TGIF2: variants seen among roughly 807,000 people sequenced by gnomAD.
TGIF2 encodes the protein TGFB induced factor homeobox 2.
In TGIF2, 5 loss-of-function variants were observed where a neutral mutation model predicts 15.1. That is an observed-to-expected ratio of 0.33 (90% CI 0.17 to 0.70). The LOEUF (loss-of-function observed/expected upper bound fraction) is 0.70, where lower values mean the gene tolerates loss of function less well. TGIF2 is among the 30% of genes least tolerant of loss of function. The pLI, the probability that TGIF2 is intolerant of heterozygous loss-of-function variation, is 0.67. For synonymous variants in TGIF2, 131 were observed against 128.9 expected (o/e 1.02, Z -0.11); for missense variants, 264 against 302.5 (o/e 0.87, Z 0.94).
chr20:36,575,714 C>T (rs997873082), intron 1 of TGIF2, among the ~76,000 whole-genome samples: 18 of 152,098 alleles, frequency 1.2e-4, no homozygotes, highest in African/African-American at 3.4e-4. Context: ...GTCTGTTGGC[C>T]GGCCTGCTGG....
At chr20:36,582,567 A>G (rs563299491) in intron 2 of TGIF2, among the ~76,000 whole-genome samples, 1 of 152,304 alleles carries the variant, frequency 6.6e-6, no homozygotes, top group South Asian at 2.1e-4. Context: ...CGATGCTCCT[A>G]CTGGTGATGA....
At chr20:36,574,483 C>T (rs2038375523) in intron 1 of TGIF2, 2 of 151,424 alleles carry the variant, frequency 1.3e-5, no homozygotes, top group Admixed American at 6.6e-5. Flanking sequence ...AGCCCCCTCC[C>T]CTCCCTTCCC....
At position 36,578,871 on chromosome 20, in the gene TGIF2, C is replaced by A; in HGVS notation, c.97C>A (p.Leu33Ile). The A allele has an allele frequency of 6.2e-7, 1 of 1,614,148 alleles. No homozygotes were observed. The highest frequency in any genetic ancestry group is 2.2e-5 in the East Asian group (1 of 44,876). ...GNLPKESVKI[L>I]RDWLYLHRYN... Reference sequence around the variant, plus strand: ...CCTGCCCAAGGAGTCGGTGAAGATCCTCCGGGACTGGCTGTACTTGCACCG... The same window carrying A: ...CCTGCCCAAGGAGTCGGTGAAGATCATCCGGGACTGGCTGTACTTGCACCG... The change falls in exon 2 of 3, where the codon CTC becomes ATC. Residue 33 changes from leucine (L) to isoleucine (I), a missense_variant. Transcript: ENST00000373872.
Position 36,578,972 on chromosome 20 carries a change from G to A in TGIF2, c.192+6G>A. On this transcript the variant is annotated splice_donor_region_variant and intron_variant, in intron 2 of 2. Coordinates refer to ENST00000373872, the MANE Select transcript of TGIF2 (RefSeq NM_021809.7). ...CCAACCTGTCAGTGCTGCAAGTAAGGAGGGGATCTGGATAAGGGGGTGGCA... is the reference window on the plus strand; with the variant it reads ...CCAACCTGTCAGTGCTGCAAGTAAGAAGGGGATCTGGATAAGGGGGTGGCA... 6.2e-7 allele frequency: 1 copy of A among 1,613,180 alleles called. No individual in the cohort carries two copies. Among genetic ancestry groups the A allele is most frequent in the Non-Finnish European group, 8.5e-7 (1 of 1,179,484 alleles).
chr20:36,583,403 AGC>A (rs1413540941), intron 2 of TGIF2, among the ~76,000 whole-genome samples: 4 of 149,650 alleles, frequency 2.7e-5, no homozygotes, highest in Non-Finnish European at 5.9e-5. Context: ...GGCTACAGTG[AGC>A]TATGATCATG....
intron 2 of TGIF2, among the ~76,000 whole-genome samples, chr20:36,589,419 G>A (rs2038723571): frequency 6.6e-6 from 1 of 150,706 alleles, no homozygotes; most frequent in Non-Finnish European, 1.5e-5. Context: ...TTAAGACGGA[G>A]TCTCACTCTG....
chr20:36,591,395 C>T lies in TGIF2; in HGVS notation c.678C>T (p.His226=), dbSNP rs2038767555. 3.7e-6 allele frequency: 6 copies of T among 1,612,858 alleles called. No individual in the cohort carries two copies. Among genetic ancestry groups the T allele is most frequent in the Non-Finnish European group, 5.1e-6 (6 of 1,179,108 alleles). ...AGGACCCATCACTCCCATTACTGCA[C>T]ACTCCCATCCCTTTAGTCTCTGAAA... ...KQQDPSLPLL[H]TPIPLVSENP... Residue 226 remains histidine (H), a synonymous_variant, in exon 3 of 3, where the codon CAC becomes CAT. Transcript: ENST00000373872. This position sits in a 1 kb window ranked among gnomAD's most constrained non-coding sequence, Gnocchi z 5.3.
chr20:36,577,808 C>G (rs2038463412), intron 1 of TGIF2, among the ~76,000 whole-genome samples: 1 of 152,046 alleles, frequency 6.6e-6, no homozygotes, highest in Non-Finnish European at 1.5e-5. Flanking sequence ...GCCACTGTGC[C>G]CGGCCTTTGT....
chr20:36,588,882 G>C (rs1012321475), intron 2 of TGIF2, among the ~76,000 whole-genome samples: 4 of 152,188 alleles, frequency 2.6e-5, no homozygotes, highest in Non-Finnish European at 4.4e-5. Flanking sequence ...CCACTTAATG[G>C]TTTTCCATGG....
At chr20:36,580,194 T>G (rs1216369589) in intron 2 of TGIF2, among the ~76,000 whole-genome samples, 1 of 152,174 alleles carries the variant, frequency 6.6e-6, no homozygotes, top group Non-Finnish European at 1.5e-5. Flanking sequence ...TGTCTCTCCC[T>G]CCTTCCCTTA....
chr20:36,580,423 T>G (rs2038519617), intron 2 of TGIF2, among the ~76,000 whole-genome samples: 2 of 152,160 alleles, frequency 1.3e-5, no homozygotes, highest in South Asian at 4.1e-4. Context: ...GGTCACTGCC[T>G]TCTCTGTGAG....
rs1047347633 is a variant in TGIF2 at position 36,590,980 on chromosome 20, C to A, written c.263C>A (p.Pro88His). ...ATGCTTCGGAAGGATGGCAAAGACC[C>A]TAATCAGTTTACCATTTCCCGCCGC... The part of the protein sequence containing the change: ...PDMLRKDGKD[P>H]NQFTISRRGG... The change falls in exon 3 of 3, where the codon CCT (proline) becomes CAT (histidine). Residue 88 changes from proline to histidine, a missense_variant. By Grantham distance (77) the Pro-to-His change is moderately conservative (BLOSUM62 -2). Coordinates refer to ENST00000373872, the MANE Select transcript of TGIF2 (RefSeq NM_021809.7). 1.3e-6 allele frequency: 2 copies of A among 1,571,206 alleles called. No individual in the cohort carries two copies. The highest frequency in any genetic ancestry group is 1.7e-6 in the Non-Finnish European group (2 of 1,155,810).
chr20:36,587,821 T>G (rs2038690185), intron 2 of TGIF2, among the ~76,000 whole-genome samples: 1 of 152,062 alleles, frequency 6.6e-6, no homozygotes, highest in African/African-American at 2.4e-5. Context: ...TCCCAACACT[T>G]TGGGAGGCTG....
At chr20:36,580,749 G>A (rs1487285618) in intron 2 of TGIF2, among the ~76,000 whole-genome samples, 9 of 147,118 alleles carry the variant, frequency 6.1e-5, no homozygotes, top group Non-Finnish European at 1.2e-4. Flanking sequence ...TGGAGGTGGA[G>A]GCTGCAGTGA....
At chr20:36,590,787 G>T in intron 2 of TGIF2, 123 bp from the exon 3 acceptor site, 1 of 1,092,422 alleles carries the variant, frequency 9.2e-7, no homozygotes. Context: ...TTGAACTCCT[G>T]GGCTTAAGCA....
intron 2 of TGIF2, among the ~76,000 whole-genome samples, chr20:36,588,356 T>C (rs2340270): frequency 1.3e-4 from 2 of 14,930 alleles, no homozygotes; most frequent in East Asian, 1.1e-3. Flanking sequence ...CCCTTCCTTC[T>C]TTTTTTTTTT....
At chr20:36,578,697 G>T (rs1354274513) in intron 1 of TGIF2, 44 bp from the exon 2 acceptor site, 1 of 1,509,184 alleles carries the variant, frequency 6.6e-7, no homozygotes, top group East Asian at 2.3e-5. Flanking sequence ...GGAAAAGGCG[G>T]TACGTGCTAA....
chr20:36,583,130 A>G (rs1433523955), intron 2 of TGIF2, among the ~76,000 whole-genome samples: 7 of 151,590 alleles, frequency 4.6e-5, no homozygotes, highest in African/African-American at 1.7e-4. Flanking sequence ...AAAATACAAA[A>G]ATAGCCGGGC....
chr20:36,575,477 A>T (rs1357111712), intron 1 of TGIF2, among the ~76,000 whole-genome samples: 1 of 152,178 alleles, frequency 6.6e-6, no homozygotes, highest in African/African-American at 2.4e-5. Context: ...GGGCTGCATC[A>T]CTGAGCCCAG....
Sources: allele counts gnomAD v4.1 joint callset (sites outside exome capture counted in the v4.1 genomes callset), GRCh38; gene constraint gnomAD v4.1.1; non-coding constraint Gnocchi (gnomAD v3.1); transcripts MANE v1.5; gene names NCBI Gene and HGNC (gene_info 2026-07-23, HGNC 2026-07-21).